Variants in WTAP observed in about 807,000 individuals in gnomAD.
WTAP encodes pre-mRNA-splicing regulator WTAP.
In WTAP, 8 loss-of-function variants were observed where a neutral mutation model predicts 50.0. The ratio of observed to expected loss-of-function variants is 0.16; its 90% CI spans 0.09 to 0.29. The LOEUF (loss-of-function observed/expected upper bound fraction) is 0.29, where lower values mean the gene tolerates loss of function less well. Ranked by LOEUF, WTAP falls within the 10% of genes least tolerant of loss-of-function variation. WTAP has a pLI of 1.00. For missense variants in WTAP, 295 were observed against 470.7 expected (o/e 0.63, Z 3.45); for synonymous variants, 194 against 169.0 (o/e 1.15, Z -1.15).
upstream of WTAP, chr6:159,727,005 C>G: frequency 7.9e-7 from 1 of 1,262,734 alleles, no homozygotes; most frequent in Non-Finnish European, 1.0e-6. Flanking sequence ...CAGATCCCTC[C>G]GCACGAGGCA....
At chr6:159,726,793 G>A, upstream of WTAP, 1 of 1,289,216 alleles carries the variant, frequency 7.8e-7, no homozygotes, top group South Asian at 1.2e-5. Flanking sequence ...GCGGCCAGGA[G>A]ACTGCGCCTC....
chr6:159,739,859 C>T (rs1779143500), intron 3 of WTAP, among the ~76,000 whole-genome samples: 1 of 82,000 alleles, frequency 1.2e-5, no homozygotes, highest in South Asian at 4.2e-4. Context: ...TTTTTTTTTG[C>T]CATAATCTCA....
intron 3 of WTAP, 38 bp from the exon 4 acceptor site, chr6:159,742,050 T>C (rs1346479608): frequency 7.0e-7 from 1 of 1,423,954 alleles, no homozygotes; most frequent in Non-Finnish European, 9.8e-7. Context: ...ATAAACTATT[T>C]TATCGTAACA....
intron 4 of WTAP, among the ~76,000 whole-genome samples, chr6:159,742,824 G>C (rs1779341548): frequency 6.6e-6 from 1 of 152,008 alleles, no homozygotes; most frequent in Non-Finnish European, 1.5e-5. Context: ...GGGAGGCCAA[G>C]GTGGGAAGAT....
Position 159,755,364 on chromosome 6 carries a change from A to G in WTAP, c.944A>G (p.Asn315Ser), listed in dbSNP as rs182878946. Residue 315 changes from asparagine (N) to serine (S), a missense_variant, in exon 8 of 8, where the codon AAC becomes AGC. Transcript: ENST00000621533. ...SSPGNGNKSS[N>S]SSEERTGRGG... ...CCAGGGAATGGTAATAAGTCCTCCA[A>G]CAGCTCAGAGGAGAGAACTGGCAGA... 1.2e-6 allele frequency: 2 copies of G among 1,614,234 alleles called. No homozygotes were observed. The highest frequency in any genetic ancestry group is 1.7e-5 in the Admixed American group (1 of 60,030).
At chr6:159,752,737 G>A (rs747307526) in intron 6 of WTAP, among the ~76,000 whole-genome samples, 1 of 152,100 alleles carries the variant, frequency 6.6e-6, no homozygotes, top group Non-Finnish European at 1.5e-5. Flanking sequence ...GAAGATGGAT[G>A]TACCAGAAAA....
At chr6:159,730,387 G>A (rs1778494021) in intron 1 of WTAP, among the ~76,000 whole-genome samples, 2 of 152,118 alleles carry the variant, frequency 1.3e-5, no homozygotes, top group South Asian at 4.2e-4. Flanking sequence ...AATATTCATT[G>A]CCTTTATGAA....
chr6:159,726,932 A>G (rs547462800), upstream of WTAP: 8 of 1,288,692 alleles, frequency 6.2e-6, no homozygotes, highest in South Asian at 8.6e-5. Flanking sequence ...GTCCTCCGAC[A>G]CGCGGAAGCA....
In WTAP at chr6:159,748,595, T is replaced by C. The variant is rs1779705532; in HGVS notation, c.452+226T>C. On this transcript the variant is annotated intron_variant, in intron 6 of 7. Transcript: ENST00000621533. The surrounding 1 kb of genome is among the most constrained non-coding windows in gnomAD (Gnocchi z 5.6). ...TCCCCTTCCCCTTGCTTCAGAGGCC[T>C]GATGGCGTCGGACTATTCCGAAGAA... 8 of 1,362,436 alleles carry C rather than the reference T, an allele frequency of 5.9e-6. No homozygotes were observed. Among genetic ancestry groups the C allele is most frequent in the Non-Finnish European group, 9.4e-7 (1 of 1,059,894 alleles). 84.4% of individuals were successfully genotyped at this position (1,362,436 alleles called of 1,614,324 possible).
intron 1 of WTAP, among the ~76,000 whole-genome samples, chr6:159,731,559 A>G (rs1475551019): frequency 6.6e-6 from 1 of 152,232 alleles, no homozygotes; most frequent in Non-Finnish European, 1.5e-5. Flanking sequence ...TAAGTGTTAG[A>G]AACAGTCGGG....
At chr6:159,741,531 G>A (rs1464021281) in intron 3 of WTAP, 1 of 151,988 alleles carries the variant, frequency 6.6e-6, no homozygotes, top group African/African-American at 2.4e-5. Flanking sequence ...CTATAATCCA[G>A]GATTATCCTG....
At chr6:159,753,345 G>C (rs1779888725) in intron 6 of WTAP, 115 bp from the exon 7 acceptor site, 1 of 1,374,480 alleles carries the variant, frequency 7.3e-7, no homozygotes, top group South Asian at 1.3e-5. Context: ...TTATGGGGAA[G>C]CATCTGCTGT....
intron 3 of WTAP, among the ~76,000 whole-genome samples, chr6:159,739,468 A>G (rs949908361): frequency 1.3e-5 from 2 of 152,224 alleles, no homozygotes; most frequent in Admixed American, 6.5e-5. Flanking sequence ...AGGTTGGGTT[A>G]AGTTATTGTT....
At chr6:159,735,904 C>CGTAG (rs1391391052) in intron 1 of WTAP, among the ~76,000 whole-genome samples, 2 of 152,068 alleles carry the variant, frequency 1.3e-5, no homozygotes, top group Non-Finnish European at 2.9e-5. Flanking sequence ...TAGCAACATG[C>CGTAG]GTAGGATACT....
In WTAP at chr6:159,755,476, A is replaced by T. The variant is rs752013744; in HGVS notation, c.1056A>T (p.Gln352His). The T allele has an allele frequency of 1.1e-5, 17 of 1,614,086 alleles. No homozygotes were observed. Among genetic ancestry groups the T allele is most frequent in the Non-Finnish European group, 1.4e-5 (17 of 1,180,038 alleles). ...PTGSENSLTH[Q>H]SNDTDSSHDP... is the part of the protein sequence containing the mutation. ...GCAGTGAAAACTCTCTCACACACCA[A>T]TCAAATGACACAGACTCCAGTCATG... The change falls in exon 8 of 8, where the codon CAA becomes CAT. Residue 352 changes from glutamine (Q) to histidine (H), a missense_variant. Coordinates refer to ENST00000621533, the MANE Select transcript of WTAP (RefSeq NM_001270531.2).
upstream of WTAP, chr6:159,727,455 G>A (rs1778254637): frequency 5.0e-6 from 5 of 1,006,660 alleles, no homozygotes; most frequent in African/African-American, 1.8e-5. Flanking sequence ...GCGGGGCAGG[G>A]CGGAGCGGAG....
At chr6:159,732,903 G>GTGTGTT (rs1778676780) in intron 1 of WTAP, among the ~76,000 whole-genome samples, 1 of 151,142 alleles carries the variant, frequency 6.6e-6, no homozygotes, top group African/African-American at 2.4e-5. Flanking sequence ...GTGTGTGTGT[G>GTGTGTT]TGTGTGTGTG....
chr6:159,744,055 T>C (rs888672480), intron 5 of WTAP, among the ~76,000 whole-genome samples: 4 of 152,194 alleles, frequency 2.6e-5, no homozygotes, highest in African/African-American at 9.7e-5. Flanking sequence ...TTCCAGACAT[T>C]TTTCAGATAT....
Position 159,742,153 on chromosome 6 carries a change from T to C in WTAP, c.145+7T>C, listed in dbSNP as rs1779294953. On this transcript the variant is annotated splice_region_variant and intron_variant, in intron 4 of 7. Transcript: ENST00000621533. ...AAGTACACAGATCTTAACTGTAAGTTTGAGTTTTAGCTTCCTAAAGACTGA... is the reference window on the plus strand; with the variant it reads ...AAGTACACAGATCTTAACTGTAAGTCTGAGTTTTAGCTTCCTAAAGACTGA... 1.2e-6 allele frequency: 2 copies of C among 1,600,530 alleles called. No individual in the cohort carries two copies. The highest frequency in any genetic ancestry group is 2.3e-5 in the South Asian group (2 of 88,168).
Sources: allele counts gnomAD v4.1 joint callset (sites outside exome capture counted in the v4.1 genomes callset), GRCh38; gene constraint gnomAD v4.1.1; non-coding constraint Gnocchi (gnomAD v3.1); transcripts MANE v1.5; gene names NCBI Gene and HGNC (gene_info 2026-07-23, HGNC 2026-07-21).